Variants in FBXL19 observed in about 807,000 individuals in gnomAD.
The protein encoded by FBXL19 is F-box and leucine rich repeat protein 19.
In FBXL19, 16 loss-of-function variants were observed where a neutral mutation model predicts 71.2. That is an observed-to-expected ratio of 0.22 (90% confidence interval 0.15 to 0.34). The LOEUF is 0.34. FBXL19 is among the 10% of genes least tolerant of loss of function. The pLI, the probability that FBXL19 is intolerant of heterozygous loss-of-function variation, is 1.00. For missense variants in FBXL19, 658 were observed against 968.2 expected (o/e 0.68, Z 4.25); for synonymous variants, 447 against 409.4 (o/e 1.09, Z -1.11).
intron 7 of FBXL19, among the ~76,000 whole-genome samples, chr16:30,936,966 C>CTCCT (rs559202492): frequency 0.013 from 1,990 of 152,110 alleles, 27 homozygotes; most frequent in Admixed American, 0.016. Flanking sequence ...TGGTCTTGAA[C>CTCCT]TCCTGACCTC....
intron 5 of FBXL19, 32 bp from the exon 6 acceptor site, chr16:30,928,435 C>T (rs758304046): frequency 1.3e-6 from 2 of 1,526,692 alleles, no homozygotes; most frequent in East Asian, 4.8e-5. Context: ...GGGGTCTCTC[C>T]CTTCCTCCAT....
Position 30,946,883 on chromosome 16 carries a change from G to A in FBXL19, c.1781G>A (p.Ser594Asn). 6.2e-7 allele frequency: 1 copy of A among 1,611,584 alleles called. No individual in the cohort carries two copies. The change falls in exon 10 of 11, where the codon AGT becomes AAT. Residue 594 changes from serine (S) to asparagine (N), a missense_variant. Transcript: ENST00000338343. This position sits in a 1 kb window ranked among gnomAD's most constrained non-coding sequence, Gnocchi z 6.7. ...LSHCAHVGDP[S>N]VHLLTAPTSP... Reference sequence around the variant, plus strand: ...CACTGCGCCCACGTCGGGGACCCCAGTGTTCACCTCCTCACGGCCCCCACG... The same window carrying A: ...CACTGCGCCCACGTCGGGGACCCCAATGTTCACCTCCTCACGGCCCCCACG...
At chr16:30,943,334 C>T (rs11859785) in intron 9 of FBXL19, among the ~76,000 whole-genome samples, 3,436 of 148,488 alleles carry the variant, frequency 0.023, 135 homozygotes, top group African/African-American at 0.082. Flanking sequence ...GGCCTACAGG[C>T]GTGTGCCACC....
chr16:30,927,316 C>G lies in FBXL19; in HGVS notation c.186C>G (p.Leu62=). 2.5e-6 allele frequency: 4 copies of G among 1,571,298 alleles called. No homozygotes were observed. Among genetic ancestry groups the G allele is most frequent in the Non-Finnish European group, 3.5e-6 (4 of 1,157,946 alleles). ...CLLRQCTAPV[L]PHTAVCLLCG... is the part of the protein sequence containing the mutation. ...CCCCTCTCCCCCAACAGCCCGTGCT[C>G]CCACACACAGCTGTGTGCCTCTTGT... Residue 62 remains leucine (L), a synonymous_variant, in exon 3 of 11, where the codon CTC becomes CTG. Coordinates refer to ENST00000338343, the MANE Select transcript of FBXL19 (RefSeq NM_001382779.1).
chr16:30,942,009 G>C lies in FBXL19; in HGVS notation c.1302-107G>C. The C allele has an allele frequency of 7.9e-7, 1 of 1,273,398 alleles. No individual in the cohort carries two copies. 78.9% of individuals were successfully genotyped at this position (1,273,398 alleles called of 1,614,324 possible). On this transcript the variant is annotated intron_variant, in intron 7 of 10. Transcript: ENST00000338343. The surrounding 1 kb of genome is among the most constrained non-coding windows in gnomAD (Gnocchi z 5.7). Reference sequence around the variant, plus strand: ...TGCTTCTTGCTACCCTGTTGTCTGTGTGGCCAGAAGAGAGCTGGGGTGCAC... The same window carrying C: ...TGCTTCTTGCTACCCTGTTGTCTGTCTGGCCAGAAGAGAGCTGGGGTGCAC...
At chr16:30,927,186 C>G (rs2055601994) in intron 2 of FBXL19, 122 bp from the exon 3 acceptor site, 1 of 1,011,416 alleles carries the variant, frequency 9.9e-7, no homozygotes, top group African/African-American at 1.6e-5. Context: ...AACTCAGGAT[C>G]AGACCCAGCT....
At chr16:30,932,385 T>C (rs2055685178) in intron 7 of FBXL19, among the ~76,000 whole-genome samples, 1 of 152,186 alleles carries the variant, frequency 6.6e-6, no homozygotes. Flanking sequence ...AGGAAATGTT[T>C]GCTGAGGCCC....
intron 6 of FBXL19, among the ~76,000 whole-genome samples, chr16:30,929,845 C>T (rs1218685425): frequency 2.6e-5 from 4 of 152,214 alleles, no homozygotes; most frequent in Non-Finnish European, 4.4e-5. Flanking sequence ...TGAGCCACTG[C>T]GCCCGGCTGG....
intron 7 of FBXL19, among the ~76,000 whole-genome samples, chr16:30,933,641 C>T (rs1184949396): frequency 2.0e-5 from 3 of 149,466 alleles, no homozygotes; most frequent in Admixed American, 1.3e-4. Flanking sequence ...TTGCAGGAAC[C>T]AGGGGCTCGC....
intron 6 of FBXL19, 69 bp downstream of exon 6, chr16:30,928,697 A>T: frequency 2.6e-6 from 3 of 1,166,038 alleles, no homozygotes; most frequent in Non-Finnish European, 3.2e-6. Flanking sequence ...GGAGCCCAAG[A>T]CCTGTCCCTT....
Position 30,946,711 on chromosome 16 carries a change from C to T in FBXL19, c.1628-19C>T, listed in dbSNP as rs2055862961. 1 of 1,606,058 alleles carries T rather than the reference C, an allele frequency of 6.2e-7. No homozygotes were observed. Among genetic ancestry groups the T allele is most frequent in the African/African-American group, 1.3e-5 (1 of 74,782 alleles). On this transcript the variant is annotated intron_variant, in intron 9 of 10. Coordinates refer to ENST00000338343, the MANE Select transcript of FBXL19 (RefSeq NM_001382779.1). This position sits in a 1 kb window ranked among gnomAD's most constrained non-coding sequence, Gnocchi z 6.7. ...GATGGGAGTGGCCAGGAGTGCTGAC[C>T]TCTCATCTGGCTGCCCAGGGCAAAC...
chr16:30,930,650 G>A lies in FBXL19; in HGVS notation c.1301+66G>A. 2 of 1,394,846 alleles carry A rather than the reference G, an allele frequency of 1.4e-6. No individual in the cohort carries two copies. The highest frequency in any genetic ancestry group is 2.8e-5 in the East Asian group (1 of 36,170). The allele number at this position is 1,394,846 out of a possible 1,614,324, so 86.4% of individuals were successfully genotyped here. A position where few individuals can be genotyped will look rare whatever the true frequency, so the allele number is the denominator to read the frequency against. On this transcript the variant is annotated intron_variant, in intron 7 of 10. Transcript: ENST00000338343. The surrounding 1 kb of genome is among the most constrained non-coding windows in gnomAD (Gnocchi z 8.5). ...CTTCCCGCTTGCTGGGTGACCTGCG[G>A]TAGGTCTCTGGCCCTCTCTGGGCCT... is the stretch of plus-strand genomic sequence containing the variant.
At chr16:30,931,225 C>T (rs2055669956) in intron 7 of FBXL19, among the ~76,000 whole-genome samples, 1 of 152,062 alleles carries the variant, frequency 6.6e-6, no homozygotes, top group South Asian at 2.1e-4. Context: ...TGATCTCGCC[C>T]CCAACAAAAT....
chr16:30,935,923 A>G (rs2055727454), intron 7 of FBXL19, among the ~76,000 whole-genome samples: 1 of 152,096 alleles, frequency 6.6e-6, no homozygotes, highest in Non-Finnish European at 1.5e-5. Context: ...CTCTTGTCTC[A>G]GTGTCATTCT....
intron 7 of FBXL19, among the ~76,000 whole-genome samples, chr16:30,939,530 C>T (rs575447738): frequency 6.7e-6 from 1 of 148,722 alleles, no homozygotes; most frequent in African/African-American, 2.5e-5. Context: ...TCTCCTGCCT[C>T]AGCCTCCCGA....
At position 30,947,338 on chromosome 16, in the gene FBXL19, AG is replaced by A. The variant is rs1389271450; in HGVS notation, c.*109del. ...CCACCTCACCACCCTGGGATTCCTG[AG>A]TGTCAGTGACTTGGGATTCCCACCC... is the stretch of plus-strand genomic sequence containing the variant. On this transcript the variant is annotated 3_prime_UTR_variant, in exon 11 of 11. Coordinates refer to ENST00000338343, the MANE Select transcript of FBXL19 (RefSeq NM_001382779.1). 2 of 962,948 alleles carry A rather than the reference AG, an allele frequency of 2.1e-6. No individual in the cohort carries two copies. Among genetic ancestry groups the A allele is most frequent in the African/African-American group, 3.3e-5 (2 of 60,598 alleles). 59.7% of individuals were successfully genotyped at this position (962,948 alleles called of 1,614,324 possible). A position where few individuals can be genotyped will look rare whatever the true frequency, so the allele number is the denominator to read the frequency against.
rs1324465682 is a variant in FBXL19, at chr16:30,947,197, C to T, written c.1992C>T (p.Cys664=). 3.8e-6 allele frequency: 6 copies of T among 1,597,854 alleles called. No homozygotes were observed. Among genetic ancestry groups the T allele is most frequent in the Non-Finnish European group, 5.1e-6 (6 of 1,178,898 alleles). ...AAAGPPGPFR[C]PEEKLLLKDS is the part of the protein sequence containing the mutation. ...CCGGGCCCCCTGGCCCCTTCCGCTG[C>T]CCTGAGGAGAAGCTGCTTCTCAAGG... The change falls in exon 11 of 11, where the codon TGC becomes TGT. Residue 664 remains cysteine (C), a synonymous_variant. Coordinates refer to ENST00000338343, the MANE Select transcript of FBXL19 (RefSeq NM_001382779.1).
intron 7 of FBXL19, among the ~76,000 whole-genome samples, chr16:30,934,045 G>A (rs558302467): frequency 1.6e-4 from 24 of 149,882 alleles, no homozygotes; most frequent in Non-Finnish European, 3.0e-4. Context: ...GAGCCACCAC[G>A]CCCGGTGTAA....
chr16:30,940,173 G>A (rs548209345), intron 7 of FBXL19, among the ~76,000 whole-genome samples: 1 of 151,838 alleles, frequency 6.6e-6, no homozygotes, highest in South Asian at 2.1e-4. Flanking sequence ...CGGGAGAATC[G>A]CTTGAACTTG....
Sources: allele counts gnomAD v4.1 joint callset (sites outside exome capture counted in the v4.1 genomes callset), GRCh38; gene constraint gnomAD v4.1.1; non-coding constraint Gnocchi (gnomAD v3.1); transcripts MANE v1.5; gene names NCBI Gene and HGNC (gene_info 2026-07-23, HGNC 2026-07-21).